Variants in GLOD4 observed in about 807,000 individuals in gnomAD.
GLOD4 encodes glyoxalase domain-containing protein 4.
A neutral mutation model predicts 39.1 loss-of-function variants in GLOD4; 44 were observed. That is an observed-to-expected ratio of 1.13 (90% CI 0.88 to 1.45). The LOEUF (loss-of-function observed/expected upper bound fraction) is 1.45, where lower values mean the gene tolerates loss of function less well. Among genes scored for constraint, GLOD4 ranks in the 40% most tolerant of loss-of-function variants. The pLI, the probability that GLOD4 is intolerant of heterozygous loss-of-function variation, is 0.00. For synonymous variants in GLOD4, 145 were observed against 135.0 expected (o/e 1.07, Z -0.52); for missense variants, 405 against 366.4 (o/e 1.11, Z -0.86).
chr17:780,446 G>A (rs1909688777), intron 1 of GLOD4, among the ~76,000 whole-genome samples: 1 of 152,186 alleles, frequency 6.6e-6, no homozygotes, highest in African/African-American at 2.4e-5. Flanking sequence ...CAGCGGCTTC[G>A]CAAACATGTG....
intron 2 of GLOD4, chr17:777,251 G>A (rs572019336): frequency 6.3e-4 from 319 of 502,626 alleles, no homozygotes; most frequent in Non-Finnish European, 1.0e-3. Flanking sequence ...GAATCCTAAA[G>A]ACAGTTCTCC....
Position 782,093 on chromosome 17 carries a change from C to T in GLOD4, c.90+73G>A, listed in dbSNP as rs759025516. 17 of 1,130,840 alleles carry T rather than the reference C, an allele frequency of 1.5e-5. No individual in the cohort carries two copies. The African/African-American group carries it at 2.2e-4, about 14-fold the overall frequency. The allele number at this position is 1,130,840 out of a possible 1,614,324, so 70.1% of individuals were successfully genotyped here. On this transcript the variant is annotated intron_variant, in intron 1 of 8. Coordinates refer to ENST00000301329, the MANE Select transcript of GLOD4 (RefSeq NM_016080.4). ...AGGTTCACGACACACCCATTTTCCCCTCCCTCCGCCAGGGCCGGCTCGGGC... is the reference window on the plus strand; with the variant it reads ...AGGTTCACGACACACCCATTTTCCCTTCCCTCCGCCAGGGCCGGCTCGGGC...
At chr17:770,691 C>T in intron 5 of GLOD4, 184 bp from the exon 6 acceptor site, 1 of 434,138 alleles carries the variant, frequency 2.3e-6, no homozygotes, top group Non-Finnish European at 4.0e-6. Context: ...CTGCACGCAT[C>T]TATGTTTTTT....
intron 4 of GLOD4, among the ~76,000 whole-genome samples, chr17:774,716 A>G (rs1290566425): frequency 6.6e-6 from 1 of 152,124 alleles, no homozygotes; most frequent in Non-Finnish European, 1.5e-5. Flanking sequence ...CAGTATATCA[A>G]ATCTGAACAG....
chr17:771,273 G>A (rs1200315516), intron 5 of GLOD4, 52 bp downstream of exon 5: 8 of 1,276,514 alleles, frequency 6.3e-6, no homozygotes, highest in Admixed American at 4.6e-5. Context: ...TATAAGCTTC[G>A]TTTACAAGCC....
rs1192254226 is a variant in GLOD4 at position 760,020 on chromosome 17, C to CTTTCAAAGATT, written c.*142_*152dup. On this transcript the variant is annotated 3_prime_UTR_variant, in exon 9 of 9. Coordinates refer to ENST00000301329, the MANE Select transcript of GLOD4 (RefSeq NM_016080.4). ...ATTTCATTTCTAAATTACATCAGAG[C>CTTTCAAAGATT]TTTCAAAGATTGAAATACACAAATC... 8.1e-6 allele frequency: 5 copies of CTTTCAAAGATT among 618,342 alleles called. No homozygotes were observed. The highest frequency in any genetic ancestry group is 1.2e-5 in the Non-Finnish European group (4 of 342,092). 38.3% of individuals were successfully genotyped at this position (618,342 alleles called of 1,614,324 possible). A position where few individuals can be genotyped will look rare whatever the true frequency, so the allele number is the denominator to read the frequency against.
chr17:766,009 G>A (rs1241382574), intron 8 of GLOD4, among the ~76,000 whole-genome samples: 1 of 151,762 alleles, frequency 6.6e-6, no homozygotes, highest in African/African-American at 2.4e-5. Context: ...GAGAGCTCAG[G>A]GAGCAGGAGT....
chr17:760,464 G>A (rs1019165191), intron 8 of GLOD4, among the ~76,000 whole-genome samples: 2 of 152,180 alleles, frequency 1.3e-5, no homozygotes, highest in Non-Finnish European at 2.9e-5. Context: ...AGAGATACTG[G>A]TGATAATGAG....
intron 8 of GLOD4, among the ~76,000 whole-genome samples, chr17:769,411 G>T (rs1011128183): frequency 6.6e-6 from 1 of 150,478 alleles, no homozygotes; most frequent in Non-Finnish European, 1.5e-5. Flanking sequence ...TCGGATGGAG[G>T]CATCTCCCTG....
intron 8 of GLOD4, among the ~76,000 whole-genome samples, chr17:761,416 C>A (rs757076567): frequency 1.3e-5 from 2 of 152,002 alleles, no homozygotes; most frequent in African/African-American, 4.8e-5. Flanking sequence ...TTAAAAAAAC[C>A]ACAAGTCACA....
At chr17:776,046 A>G in intron 3 of GLOD4, 127 bp from the exon 4 acceptor site, 1 of 678,024 alleles carries the variant, frequency 1.5e-6, no homozygotes, top group African/African-American at 1.8e-5. Context: ...CTGGCATCCA[A>G]CATTTTCTTC....
chr17:772,246 G>A (rs1250912366), intron 4 of GLOD4, among the ~76,000 whole-genome samples: 1 of 149,546 alleles, frequency 6.7e-6, no homozygotes, highest in Non-Finnish European at 1.5e-5. Flanking sequence ...TTCAATGGAC[G>A]GCGCTAAGAA....
intron 4 of GLOD4, among the ~76,000 whole-genome samples, chr17:774,028 A>C (rs1908459288): frequency 6.6e-6 from 1 of 152,226 alleles, no homozygotes; most frequent in Non-Finnish European, 1.5e-5. Context: ...AAGCACTGAA[A>C]TATCACTAAG....
intron 1 of GLOD4, 53 bp from the exon 2 acceptor site, chr17:778,797 G>A (rs769427175): frequency 1.1e-5 from 11 of 1,007,928 alleles, no homozygotes; most frequent in East Asian, 4.8e-5. Context: ...TGCTCACAGC[G>A]TCTTTAGCAC....
intron 4 of GLOD4, 48 bp from the exon 5 acceptor site, chr17:771,509 A>G: frequency 8.8e-7 from 1 of 1,133,484 alleles, no homozygotes; most frequent in South Asian, 1.6e-5. Context: ...AATAGAATAA[A>G]ATAGAAAGAC....
chr17:770,560 G>T (rs940934181), intron 5 of GLOD4, 53 bp from the exon 6 acceptor site: 11 of 823,926 alleles, frequency 1.3e-5, no homozygotes, highest in Non-Finnish European at 2.2e-5. Flanking sequence ...TTCATTACAC[G>T]TATGTGGTAG....
chr17:776,755 G>A, intron 3 of GLOD4, 113 bp downstream of exon 3: 1 of 804,126 alleles, frequency 1.2e-6, no homozygotes. Flanking sequence ...CCTCTTTTGA[G>A]TCTCTGCTCA....
intron 4 of GLOD4, among the ~76,000 whole-genome samples, chr17:774,985 C>T (rs1429562536): frequency 6.6e-6 from 1 of 151,896 alleles, no homozygotes; most frequent in Non-Finnish European, 1.5e-5. Flanking sequence ...AGGAGAATCA[C>T]TTGAACCTGG....
intron 8 of GLOD4, 54 bp from the exon 9 acceptor site, chr17:760,292 A>G: frequency 1.0e-6 from 1 of 959,356 alleles, no homozygotes; most frequent in South Asian, 1.3e-5. Flanking sequence ...AACAAAAGAC[A>G]TAGCCCACTT....
Sources: allele counts gnomAD v4.1 joint callset (sites outside exome capture counted in the v4.1 genomes callset), GRCh38; gene constraint gnomAD v4.1.1; transcripts MANE v1.5; gene names NCBI Gene and HGNC (gene_info 2026-07-23, HGNC 2026-07-21).